The following GPRIN1 variants were observed in gnomAD, a reference collection of about 807,000 sequenced individuals.
GPRIN1 encodes G protein regulated inducer of neurite outgrowth 1, also known as G protein-regulated inducer of neurite outgrowth 1.
A neutral mutation model predicts 2.8 loss-of-function variants in GPRIN1; 4 were observed. The observed-to-expected ratio is 1.45, with a 90% CI of 0.71 to 3.32. The LOEUF (loss-of-function observed/expected upper bound fraction) is 3.32, where lower values mean the gene tolerates loss of function less well. GPRIN1 is among the 30% of genes most tolerant of loss of function. The pLI, the probability that GPRIN1 is intolerant of heterozygous loss-of-function variation, is 0.01. For missense variants in GPRIN1, 1,322 were observed against 1,343.4 expected (o/e 0.98, Z 0.25); for synonymous variants, 589 against 589.9 (o/e 1.00, Z 0.02).
intron 1 of GPRIN1, among the ~76,000 whole-genome samples, chr5:176,606,473 T>C (rs1263142582): frequency 6.6e-6 from 1 of 152,228 alleles, no homozygotes; most frequent in African/African-American, 2.4e-5. Flanking sequence ...CATGTGACAG[T>C]AAGATTTCCA....
rs954135031 is a variant in GPRIN1 at position 176,595,930 on chromosome 5, G to T, written c.*878C>A. On this transcript the variant is annotated 3_prime_UTR_variant, in exon 2 of 2. Transcript: ENST00000303991. ...GCTCACAGCACAGGGGGGACAAGGG[G>T]CTGGAGAGGGTGGCCTTTAAAAGAC... 2.7e-6 allele frequency: 1 copy of T among 366,628 alleles called. No homozygotes were observed. The highest frequency in any genetic ancestry group is 4.2e-5 in the East Asian group (1 of 23,792). The allele number at this position is 366,628 out of a possible 1,614,324, so 22.7% of individuals were successfully genotyped here.
Position 176,597,331 on chromosome 5 carries a change from G to T in GPRIN1, c.2504C>A (p.Ala835Asp). 1 of 1,243,484 alleles carries T rather than the reference G, an allele frequency of 8.0e-7. No homozygotes were observed. The highest frequency in any genetic ancestry group is 3.4e-5 in the South Asian group (1 of 29,366). 77.0% of individuals were successfully genotyped at this position (1,243,484 alleles called of 1,614,324 possible). Residue 835 changes from alanine to aspartate, a missense_variant, in exon 2 of 2, where the codon GCT becomes GAT. Coordinates refer to ENST00000303991, the MANE Select transcript of GPRIN1 (RefSeq NM_052899.3). The surrounding 1 kb of genome is among the most constrained non-coding windows in gnomAD (Gnocchi z 6.1). ...AVSPMSPQDG[A>D]GGSAFSFQAA... is the part of the protein sequence containing the mutation. ...CTGGAAGCTGAAGGCCGAGCCCCCA[G>T]CGCCGTCCTGCGGAGACATGGGGCT...
rs747949463 is a variant in GPRIN1, at chr5:176,599,154, T to C, written c.681A>G (p.Thr227=). 2.4e-5 allele frequency: 38 copies of C among 1,613,090 alleles called. No individual in the cohort carries two copies. Among genetic ancestry groups the C allele is most frequent in the East Asian group, 1.8e-4 (8 of 44,808 alleles). ...VDPLCSSKTY[T]VSPRKEDPGS... Reference sequence around the variant, plus strand: ...CAGGATCCTCCTTCCTCGGTGACACTGTATACGTCTTGCTGGAGCACAAAG... The same window carrying C: ...CAGGATCCTCCTTCCTCGGTGACACCGTATACGTCTTGCTGGAGCACAAAG... The change falls in exon 2 of 2, where the codon ACA becomes ACG. Residue 227 remains threonine (T), a synonymous_variant. Coordinates refer to ENST00000303991, the MANE Select transcript of GPRIN1 (RefSeq NM_052899.3).
At chr5:176,609,422 G>C (rs1341410447) in intron 1 of GPRIN1, among the ~76,000 whole-genome samples, 1 of 152,200 alleles carries the variant, frequency 6.6e-6, no homozygotes, top group African/African-American at 2.4e-5. Flanking sequence ...ATGACCAACA[G>C]CCATTGTGTG....
intron 1 of GPRIN1, among the ~76,000 whole-genome samples, chr5:176,600,671 T>C (rs1330436668): frequency 2.0e-5 from 3 of 152,008 alleles, no homozygotes; most frequent in African/African-American, 7.2e-5. Flanking sequence ...CCCAGCACTT[T>C]GGGAGGCTGA....
Position 176,597,409 on chromosome 5 carries a change from C to A in GPRIN1, c.2426G>T (p.Arg809Leu). Residue 809 changes from arginine to leucine, a missense_variant, in exon 2 of 2, where the codon CGC (arginine) becomes CTC (leucine). By Grantham distance (102) the Arg-to-Leu change is moderately radical. Coordinates refer to ENST00000303991, the MANE Select transcript of GPRIN1 (RefSeq NM_052899.3). The surrounding 1 kb of genome is among the most constrained non-coding windows in gnomAD (Gnocchi z 6.1). ...GCCCGCCTGAGTGCCCGCGTCCTCGCGCGGCGGCGGCGGGGCGCTCGCCTC... is the reference window on the plus strand; with the variant it reads ...GCCCGCCTGAGTGCCCGCGTCCTCGAGCGGCGGCGGCGGGGCGCTCGCCTC... ...SWEASAPPPP[R>L]EDAGTQAGAQ... The A allele has an allele frequency of 7.7e-7, 1 of 1,292,768 alleles. No individual in the cohort carries two copies. The allele number at this position is 1,292,768 out of a possible 1,614,324, so 80.1% of individuals were successfully genotyped here.
In GPRIN1 at chr5:176,596,856, ACT is replaced by A. The variant is rs755779300; in HGVS notation, c.2977_2978del (p.Ser993CysfsTer39). On this transcript the variant is annotated frameshift_variant, in exon 2 of 2. Coordinates refer to ENST00000303991, the MANE Select transcript of GPRIN1 (RefSeq NM_052899.3). LOFTEE classifies it high-confidence loss of function. The surrounding 1 kb of genome is among the most constrained non-coding windows in gnomAD (Gnocchi z 5.2). ...GCGAGCAGCACCGCGGCCGGCGCAC[ACT>A]CTGCAGCAGCGCGCGGAACAGGCCG... is the stretch of plus-strand genomic sequence containing the variant. ...PPGLFRALLQ[S>X]VRRPRCCSRA... is the part of the protein sequence containing the mutation. 1 of 1,398,910 alleles carries A rather than the reference ACT, an allele frequency of 7.1e-7. No individual in the cohort carries two copies. Among genetic ancestry groups the A allele is most frequent in the Non-Finnish European group, 9.3e-7 (1 of 1,072,234 alleles). 86.7% of individuals were successfully genotyped at this position (1,398,910 alleles called of 1,614,324 possible).
Position 176,602,976 on chromosome 5 carries a change from G to A in GPRIN1, c.-43-3099C>T, listed in dbSNP as rs1168256722. Among the ~76,000 whole-genome samples the A allele has an allele frequency of 6.6e-6, 1 of 152,222 alleles. No homozygotes were observed. The highest frequency in any genetic ancestry group is 1.9e-4 in the East Asian group (1 of 5,200). On this transcript the variant is annotated intron_variant, in intron 1 of 1. Coordinates refer to ENST00000303991, the MANE Select transcript of GPRIN1 (RefSeq NM_052899.3). The surrounding 1 kb of genome is among the most constrained non-coding windows in gnomAD (Gnocchi z 4.4). Reference sequence around the variant, plus strand: ...ATGGAATCCTATAAAACTTTTAGCAGTGACTGCCTCTCAGAAGGAAGAGCG... The same window carrying A: ...ATGGAATCCTATAAAACTTTTAGCAATGACTGCCTCTCAGAAGGAAGAGCG...
intron 1 of GPRIN1, among the ~76,000 whole-genome samples, chr5:176,609,633 C>G (rs1311210307): frequency 6.6e-6 from 1 of 152,044 alleles, no homozygotes; most frequent in Admixed American, 6.5e-5. Flanking sequence ...CCCCCAGTGG[C>G]GGGAAGCACC....
rs1369159435 is a variant in GPRIN1 at position 176,598,785 on chromosome 5, C to G, written c.1050G>C (p.Leu350Phe). The G allele has an allele frequency of 1.9e-6, 3 of 1,613,704 alleles. No individual in the cohort carries two copies. The highest frequency in any genetic ancestry group is 2.5e-6 in the Non-Finnish European group (3 of 1,180,026). ...GSLGRLDPTC[L>F]GMADPASVGN... is the part of the protein sequence containing the mutation. ...CCACAGATGCGGGATCTGCCATCCCCAAGCATGTGGGATCCAGCCTTCCCA... is the reference window on the plus strand; with the variant it reads ...CCACAGATGCGGGATCTGCCATCCCGAAGCATGTGGGATCCAGCCTTCCCA... Residue 350 changes from leucine to phenylalanine, a missense_variant, in exon 2 of 2, where the codon TTG becomes TTC. By Grantham distance (22) the Leu-to-Phe change is conservative. Around this residue, in one of 3 missense-constraint regions of GPRIN1, gnomAD observed 1,117 missense variants for 1,128.6 expected, o/e 0.99. Transcript: ENST00000303991.
In GPRIN1 at chr5:176,602,567, T is replaced by C. The variant is rs1167312715; in HGVS notation, c.-43-2690A>G. On this transcript the variant is annotated intron_variant, in intron 1 of 1. Transcript: ENST00000303991. The surrounding 1 kb of genome is among the most constrained non-coding windows in gnomAD (Gnocchi z 4.4). ...CCTTGGCTCAAAACCCTCCTCATTC[T>C]TGCCGGAAATGTAAATTAGTTGTAA... is the stretch of plus-strand genomic sequence containing the variant. Among the ~76,000 whole-genome samples the C allele has an allele frequency of 6.6e-6, 1 of 152,220 alleles. No individual in the cohort carries two copies. Among genetic ancestry groups the C allele is most frequent in the African/African-American group, 2.4e-5 (1 of 41,460 alleles).
At chr5:176,606,007 T>G (rs993343697) in intron 1 of GPRIN1, among the ~76,000 whole-genome samples, 1 of 152,182 alleles carries the variant, frequency 6.6e-6, no homozygotes, top group East Asian at 1.9e-4. Context: ...CTACCCCTCA[T>G]TTCAGCCCTG....
intron 1 of GPRIN1, 33 bp from the exon 2 acceptor site, chr5:176,599,910 C>G (rs1759122668): frequency 7.7e-7 from 1 of 1,296,804 alleles, no homozygotes; most frequent in Admixed American, 3.5e-5. Context: ...TCAGACTTCC[C>G]AAAGCTCAGT....
chr5:176,605,997 C>G (rs1453457841), intron 1 of GPRIN1, among the ~76,000 whole-genome samples: 1 of 152,144 alleles, frequency 6.6e-6, no homozygotes, highest in East Asian at 1.9e-4. Context: ...TGGGCCCTCA[C>G]TACCCCTCAT....
intron 1 of GPRIN1, among the ~76,000 whole-genome samples, chr5:176,600,253 A>C (rs1759125801): frequency 6.6e-6 from 1 of 152,100 alleles, no homozygotes; most frequent in African/African-American, 2.4e-5. Flanking sequence ...CAGCATCCCA[A>C]GTAGCTGGGA....
At chr5:176,601,981 C>T (rs1276323182) in intron 1 of GPRIN1, among the ~76,000 whole-genome samples, 1 of 152,162 alleles carries the variant, frequency 6.6e-6, no homozygotes, top group African/African-American at 2.4e-5. Flanking sequence ...CAGGCAGTGT[C>T]TCCCCATCCC....
intron 1 of GPRIN1, among the ~76,000 whole-genome samples, chr5:176,605,711 C>A (rs1247046936): frequency 1.3e-5 from 2 of 151,828 alleles, no homozygotes; most frequent in African/African-American, 4.8e-5. Flanking sequence ...TATAGTCCTG[C>A]CTGCTCCAGA....
chr5:176,609,626 C>T (rs1261026486), intron 1 of GPRIN1, among the ~76,000 whole-genome samples: 1 of 152,096 alleles, frequency 6.6e-6, no homozygotes, highest in East Asian at 1.9e-4. Context: ...CGCCCTCCCC[C>T]CAGTGGCGGG....
chr5:176,599,925 G>A (rs886251963), intron 1 of GPRIN1, 48 bp from the exon 2 acceptor site: 11 of 1,219,156 alleles, frequency 9.0e-6, no homozygotes, highest in African/African-American at 3.1e-5. Context: ...CTCAGTGGGG[G>A]AGGAGACTCT....
Sources: gnomAD v4.1 joint callset for allele counts (sites outside exome capture counted in the v4.1 genomes callset) on GRCh38, gnomAD v4.1.1 for gene constraint, gnomAD v4.1.1 regional missense constraint, Gnocchi (gnomAD v3.1) non-coding constraint, MANE v1.5 for transcripts, NCBI Gene and HGNC (gene_info 2026-07-23, HGNC 2026-07-21) for gene names.